The following CFDP1 variants were observed in gnomAD, a reference collection of about 807,000 sequenced individuals.
CFDP1 encodes the protein heterochromatin-stabilizing protein CFDP1.
A neutral mutation model predicts 40.1 loss-of-function variants in CFDP1; 31 were observed. The ratio of observed to expected loss-of-function variants is 0.77; its 90% CI spans 0.58 to 1.04. The LOEUF (loss-of-function observed/expected upper bound fraction) is 1.04. Ranked by LOEUF, CFDP1 falls within the 50% of genes least tolerant of loss-of-function variation. The pLI is 0.00. For missense variants in CFDP1, 423 were observed against 343.4 expected (o/e 1.23, Z -1.83); for synonymous variants, 167 against 120.0 (o/e 1.39, Z -2.56).
chr16:75,349,917 G>C (rs2151525485), intron 5 of CFDP1, among the ~76,000 whole-genome samples: 1 of 151,556 alleles, frequency 6.6e-6, no homozygotes, highest in South Asian at 2.1e-4. Flanking sequence ...CCAATACAAA[G>C]TAGAATAGAG....
chr16:75,428,784 A>T (rs1191396065), intron 1 of CFDP1, among the ~76,000 whole-genome samples: 1 of 152,176 alleles, frequency 6.6e-6, no homozygotes, highest in African/African-American at 2.4e-5. Context: ...AAAATGGCTG[A>T]AAACACTCAT....
At chr16:75,366,598 G>A (rs1428171108) in intron 5 of CFDP1, among the ~76,000 whole-genome samples, 1 of 152,122 alleles carries the variant, frequency 6.6e-6, no homozygotes, top group Non-Finnish European at 1.5e-5. Flanking sequence ...ACTCTAACCT[G>A]GAGTGGATAG....
intron 5 of CFDP1, among the ~76,000 whole-genome samples, chr16:75,360,306 C>T (rs2078672944): frequency 6.6e-6 from 1 of 152,196 alleles, no homozygotes; most frequent in South Asian, 2.1e-4. Flanking sequence ...TATTTTCTAG[C>T]ACTGCCAGAA....
rs377087148 is a variant in CFDP1, at chr16:75,359,566, G to C, written c.650+35524C>G. Reference sequence around the variant, plus strand: ...CAAAACCACCCAAAACTCATGCCTTGGATTTGCCAAATCACTAAACCAATC... The same window carrying C: ...CAAAACCACCCAAAACTCATGCCTTCGATTTGCCAAATCACTAAACCAATC... On this transcript the variant is annotated intron_variant, in intron 5 of 6. Transcript: ENST00000283882. 1.4e-4 allele frequency among the ~76,000 whole-genome samples: 21 copies of C among 152,214 alleles called. 3 individuals are homozygous for C. The highest frequency in any genetic ancestry group is 6.5e-4 in the Admixed American group (10 of 15,284).
At chr16:75,322,516 T>C (rs759598487) in intron 5 of CFDP1, among the ~76,000 whole-genome samples, 2 of 152,194 alleles carry the variant, frequency 1.3e-5, no homozygotes, top group African/African-American at 4.8e-5. Context: ...CTGTATAGCA[T>C]GTTACTGTAC....
At position 75,395,130 on chromosome 16, in the gene CFDP1, T is replaced by G; in HGVS notation, c.610A>C (p.Asn204His). The change falls in exon 5 of 7, where the codon AAT (asparagine) becomes CAT (histidine). Residue 204 changes from asparagine (N) to histidine (H), a missense_variant. Physicochemically the swap from Asn to His is moderately conservative, Grantham distance 68. Transcript: ENST00000283882. ...KQNEKEKPQA[N>H]VPSALPSLPA... ...AGTGATGGCAGAGCTGAAGGAACAT[T>G]AGCCTGTGGTTTTTCTTTCTCATTC... is the stretch of plus-strand genomic sequence containing the variant. 6.2e-7 allele frequency: 1 copy of G among 1,614,004 alleles called. No homozygotes were observed. Among genetic ancestry groups the G allele is most frequent in the Non-Finnish European group, 8.5e-7 (1 of 1,179,926 alleles).
At chr16:75,377,659 G>T (rs2078812861) in intron 5 of CFDP1, among the ~76,000 whole-genome samples, 1 of 152,222 alleles carries the variant, frequency 6.6e-6, no homozygotes, top group African/African-American at 2.4e-5. Context: ...AGAAAAACAT[G>T]AAGTCACTAA....
At chr16:75,323,225 G>A (rs78763473) in intron 5 of CFDP1, among the ~76,000 whole-genome samples, 9 of 147,374 alleles carry the variant, frequency 6.1e-5, no homozygotes, top group Admixed American at 3.4e-4. Context: ...ACTTTTTAAC[G>A]TTAAAAAAAA....
At chr16:75,417,933 G>A (rs1178563722) in intron 1 of CFDP1, among the ~76,000 whole-genome samples, 2 of 151,942 alleles carry the variant, frequency 1.3e-5, no homozygotes, top group African/African-American at 2.4e-5. Flanking sequence ...TAGATCTTCA[G>A]AATAAGAGAA....
Position 75,430,335 on chromosome 16 carries a change from A to AT in CFDP1, c.64+2953dup, listed in dbSNP as rs796976827. Among the ~76,000 whole-genome samples the AT allele has an allele frequency of 3.3e-5, 5 of 151,994 alleles. No individual in the cohort carries two copies. The South Asian group carries it at 8.3e-4, about 25-fold the overall frequency. On this transcript the variant is annotated intron_variant, in intron 1 of 6. Coordinates refer to ENST00000283882, the MANE Select transcript of CFDP1 (RefSeq NM_006324.3). Reference sequence around the variant, plus strand: ...CAGGCACACGCCACCACACCCAGCTATTTTTTTATATCTTTAGTACAGACA... The same window carrying AT: ...CAGGCACACGCCACCACACCCAGCTATTTTTTTTATATCTTTAGTACAGACA...
chr16:75,337,829 GAGATTTGGGCGGGGCAC>G (rs1430079211), intron 5 of CFDP1, among the ~76,000 whole-genome samples: 1 of 152,158 alleles, frequency 6.6e-6, no homozygotes, highest in African/African-American at 2.4e-5. Flanking sequence ...AATTGGACAA[GAGATTTGGGCGGGGCAC>G]TAATCCAAAC....
At chr16:75,395,504 T>C (rs1190055151) in intron 4 of CFDP1, among the ~76,000 whole-genome samples, 6 of 151,324 alleles carry the variant, frequency 4.0e-5, no homozygotes, top group Admixed American at 4.0e-4. Context: ...ATTAAAAATA[T>C]AAAAATTAGC....
intron 6 of CFDP1, 22 bp downstream of exon 6, chr16:75,305,002 C>T (rs369146045): frequency 5.3e-5 from 85 of 1,611,284 alleles, no homozygotes; most frequent in Non-Finnish European, 6.8e-6. Context: ...TTTTCCAAGG[C>T]ATAAAACCTA....
intron 6 of CFDP1, among the ~76,000 whole-genome samples, chr16:75,294,402 C>G (rs952530705): frequency 3.9e-5 from 6 of 152,172 alleles, no homozygotes; most frequent in African/African-American, 1.4e-4. Context: ...ATCTTTGAGC[C>G]TCACTTTTCT....
At chr16:75,328,940 G>C (rs2151513946) in intron 5 of CFDP1, among the ~76,000 whole-genome samples, 1 of 150,898 alleles carries the variant, frequency 6.6e-6, no homozygotes, top group East Asian at 2.0e-4. Flanking sequence ...TCCACCTCCT[G>C]GGTTCATGAG....
At chr16:75,341,650 G>T (rs1466188779) in intron 5 of CFDP1, among the ~76,000 whole-genome samples, 1 of 151,218 alleles carries the variant, frequency 6.6e-6, no homozygotes, top group African/African-American at 2.4e-5. Context: ...TTTCAGCAGA[G>T]TGTAGAAAGG....
chr16:75,347,276 G>A (rs1472647168), intron 5 of CFDP1, among the ~76,000 whole-genome samples: 1 of 142,384 alleles, frequency 7.0e-6, no homozygotes, highest in African/African-American at 2.6e-5. Flanking sequence ...CCCAGGAGGC[G>A]GAGGTTACAG....
chr16:75,424,747 C>A (rs375411783), intron 1 of CFDP1, among the ~76,000 whole-genome samples: 20 of 112,154 alleles, frequency 1.8e-4, no homozygotes, highest in African/African-American at 6.5e-4. Flanking sequence ...CAGAGGGAGA[C>A]TCCGTCTCAA....
chr16:75,396,330 G>C (rs2078994682), intron 4 of CFDP1, among the ~76,000 whole-genome samples: 1 of 104,404 alleles, frequency 9.6e-6, no homozygotes, highest in African/African-American at 2.8e-5. Flanking sequence ...ACGAAGTCAT[G>C]AGTTTGAGAC....
Sources: allele counts gnomAD v4.1 joint callset (sites outside exome capture counted in the v4.1 genomes callset), GRCh38; gene constraint gnomAD v4.1.1; transcripts MANE v1.5; gene names NCBI Gene and HGNC (gene_info 2026-07-23, HGNC 2026-07-21).